The following MPPE1 variants were observed in gnomAD, a reference collection of about 807,000 sequenced individuals.
MPPE1 encodes metallophosphoesterase 1, also known as metallo phosphoesterase.
MPPE1 carries 28 observed loss-of-function variants against 43.8 expected under a neutral mutation model. That is an observed-to-expected ratio of 0.64 (90% confidence interval 0.47 to 0.88). The LOEUF is 0.88. Among genes scored for constraint, MPPE1 ranks in the 40% least tolerant of loss-of-function variants. The pLI, the probability that MPPE1 is intolerant of heterozygous loss-of-function variation, is 0.00. For synonymous variants in MPPE1, 159 were observed against 188.5 expected (o/e 0.84, Z 1.28); for missense variants, 428 against 492.2 (o/e 0.87, Z 1.23).
At chr18:11,904,178 G>GTT (rs1482196856) in intron 2 of MPPE1, among the ~76,000 whole-genome samples, 4 of 104,782 alleles carry the variant, frequency 3.8e-5, no homozygotes, top group Non-Finnish European at 8.5e-5. Context: ...AAGGAGAGAA[G>GTT]AGCAGAAGGG....
chr18:11,887,202 T>C lies in MPPE1; in HGVS notation c.570-177A>G, dbSNP rs1391619284. Among the ~76,000 whole-genome samples the C allele has an allele frequency of 2.0e-5, 3 of 152,300 alleles. No individual in the cohort carries two copies. In the South Asian group the frequency reaches 6.2e-4, roughly 32 times the overall value. ...AAATATGAGTCAATATTAACAAAAA[T>C]AGCATTACTGGGAGTTCTGTCTAAG... On this transcript the variant is annotated intron_variant, in intron 6 of 10. Coordinates refer to ENST00000588072, the MANE Select transcript of MPPE1 (RefSeq NM_023075.6).
intron 3 of MPPE1, among the ~76,000 whole-genome samples, chr18:11,896,672 A>G (rs939884993): frequency 1.1e-4 from 17 of 152,306 alleles, no homozygotes; most frequent in African/African-American, 4.1e-4. Context: ...TCTTGTTGTC[A>G]TTGCGTGGCA....
At chr18:11,899,389 G>A (rs1304130906) in intron 2 of MPPE1, among the ~76,000 whole-genome samples, 1 of 152,228 alleles carries the variant, frequency 6.6e-6, no homozygotes, top group Non-Finnish European at 1.5e-5. Flanking sequence ...CCCTGCAAAT[G>A]TGCCTTAAAA....
rs758271340 is a variant in MPPE1 at position 11,897,257 on chromosome 18, A to G, written c.8T>C (p.Met3Thr). Residue 3 changes from methionine to threonine, a missense_variant, in exon 3 of 11, where the codon ATG becomes ACG. Around this residue, in one of 3 missense-constraint regions of MPPE1, gnomAD observed 48 missense variants for 73.5 expected, o/e 0.65. Coordinates refer to ENST00000588072, the MANE Select transcript of MPPE1 (RefSeq NM_023075.6). ...CTGTCTTCCAAACCCCAATTCGATCATCGCCATTTCTCAAGCAACAACAAA... is the reference window on the plus strand; with the variant it reads ...CTGTCTTCCAAACCCCAATTCGATCGTCGCCATTTCTCAAGCAACAACAAA... MA[M>T]IELGFGRQNF... is the part of the protein sequence containing the mutation. The G allele has an allele frequency of 4.3e-5, 49 of 1,152,764 alleles. No homozygotes were observed. In the Admixed American group the frequency reaches 1.1e-3, roughly 26 times the overall value. The allele number at this position is 1,152,764 out of a possible 1,614,324, so 71.4% of individuals were successfully genotyped here.
chr18:11,888,150 C>T (rs191050998), intron 6 of MPPE1, among the ~76,000 whole-genome samples: 28 of 152,290 alleles, frequency 1.8e-4, no homozygotes, highest in Non-Finnish European at 3.7e-4. Context: ...CCTCGCAGAG[C>T]GGGAGCTGCT....
chr18:11,887,133 C>T, intron 6 of MPPE1, 108 bp from the exon 7 acceptor site: 1 of 727,814 alleles, frequency 1.4e-6, no homozygotes, highest in Non-Finnish European at 2.2e-6. Flanking sequence ...GAAACAAGCC[C>T]AGAGCAGCTT....
At chr18:11,884,963 GT>G in intron 10 of MPPE1, 1 of 1,304,864 alleles carries the variant, frequency 7.7e-7, no homozygotes, top group Middle Eastern at 2.1e-4. Context: ...GCACCGTGGA[GT>G]TCCAGGGTCA....
intron 2 of MPPE1, 179 bp from the exon 3 acceptor site, chr18:11,897,535 T>C: frequency 2.6e-6 from 1 of 387,500 alleles, no homozygotes; most frequent in Admixed American, 4.2e-5. Context: ...CCTCTCTGAC[T>C]CCTTCAAGCT....
In MPPE1 at chr18:11,884,412, T is replaced by G; in HGVS notation, c.*33A>C. 1 of 1,603,216 alleles carries G rather than the reference T, an allele frequency of 6.2e-7. No homozygotes were observed. Among genetic ancestry groups the G allele is most frequent in the South Asian group, 1.1e-5 (1 of 90,634 alleles). On this transcript the variant is annotated 3_prime_UTR_variant, in exon 11 of 11. Transcript: ENST00000588072. ...TGATCTCTGCCCAAAGTTCCATTTCTTGGGCTTTGATATTTATAATGGCGC... is the reference window on the plus strand; with the variant it reads ...TGATCTCTGCCCAAAGTTCCATTTCGTGGGCTTTGATATTTATAATGGCGC...
At chr18:11,889,205 G>A (rs531404520) in intron 5 of MPPE1, among the ~76,000 whole-genome samples, 182 bp downstream of exon 5, 62 of 152,256 alleles carry the variant, frequency 4.1e-4, no homozygotes, top group African/African-American at 1.4e-3. Context: ...ACAGATATTT[G>A]TTGAGGGTGT....
In MPPE1 at chr18:11,888,667, A is replaced by C. The variant is rs1479861930; in HGVS notation, c.569+2T>G. On this transcript the variant is annotated splice_donor_variant, in intron 6 of 10. Transcript: ENST00000588072. LOFTEE classifies it high-confidence loss of function. ...TTGGAAGAATTTACAAATAATACTC[A>C]CTTAATGCCTTTCCAAGAAAACAGT... is the stretch of plus-strand genomic sequence containing the variant. The C allele has an allele frequency of 1.3e-6, 2 of 1,579,854 alleles. No homozygotes were observed. Among genetic ancestry groups the C allele is most frequent in the African/African-American group, 2.7e-5 (2 of 73,444 alleles).
chr18:11,896,695 T>A (rs1360855915), intron 3 of MPPE1, among the ~76,000 whole-genome samples: 1 of 152,218 alleles, frequency 6.6e-6, no homozygotes, highest in Non-Finnish European at 1.5e-5. Flanking sequence ...TCTTGTGATG[T>A]TTCTTGTCTT....
At chr18:11,888,259 C>T (rs1477912997) in intron 6 of MPPE1, among the ~76,000 whole-genome samples, 1 of 152,180 alleles carries the variant, frequency 6.6e-6, no homozygotes, top group African/African-American at 2.4e-5. Context: ...CACTTGCCAC[C>T]AAATCCCATA....
At chr18:11,894,626 T>C (rs1215008875) in intron 3 of MPPE1, among the ~76,000 whole-genome samples, 2 of 152,160 alleles carry the variant, frequency 1.3e-5, no homozygotes, top group Admixed American at 6.6e-5. Flanking sequence ...GTTTCGCTCT[T>C]GTTGCCCAGG....
At chr18:11,906,664 T>C (rs1213657188) in intron 1 of MPPE1, among the ~76,000 whole-genome samples, 3 of 152,016 alleles carry the variant, frequency 2.0e-5, no homozygotes, top group Non-Finnish European at 2.9e-5. Context: ...AAGACCAGCC[T>C]GACCAACATG....
intron 3 of MPPE1, 58 bp downstream of exon 3, chr18:11,896,926 G>C (rs1474720282): frequency 1.4e-6 from 2 of 1,473,870 alleles, no homozygotes; most frequent in Non-Finnish European, 1.9e-6. Flanking sequence ...CCTATGAGGA[G>C]AGGGCTATAC....
rs768062583 is a variant in MPPE1, at chr18:11,885,671, G to A, written c.1008+5C>T. 1.8e-5 allele frequency: 29 copies of A among 1,609,506 alleles called. No individual in the cohort carries two copies. The highest frequency in any genetic ancestry group is 1.6e-4 in the African/African-American group (12 of 74,808). On this transcript the variant is annotated splice_donor_5th_base_variant and intron_variant, in intron 10 of 10. Coordinates refer to ENST00000588072, the MANE Select transcript of MPPE1 (RefSeq NM_023075.6). ...CTTTCAGACAAAAATAAACTTTCAC[G>A]TTACCATGATGAAACTGGGGTTGTT...
In MPPE1 at chr18:11,897,232, C is replaced by G; in HGVS notation, c.33G>C (p.Gln11His). The G allele has an allele frequency of 8.4e-7, 1 of 1,190,922 alleles. No homozygotes were observed. Among genetic ancestry groups the G allele is most frequent in the East Asian group, 2.4e-5 (1 of 42,550 alleles). The allele number at this position is 1,190,922 out of a possible 1,614,324, so 73.8% of individuals were successfully genotyped here. A position where few individuals can be genotyped will look rare whatever the true frequency, so the allele number is the denominator to read the frequency against. The change falls in exon 3 of 11, where the codon CAG (glutamine) becomes CAC (histidine). Residue 11 changes from glutamine to histidine, a missense_variant. Gln to His is a conservative substitution (Grantham distance 24). Around this residue, in one of 3 missense-constraint regions of MPPE1, gnomAD observed 48 missense variants for 73.5 expected, o/e 0.65. Transcript: ENST00000588072. The part of the protein sequence containing the change: MAMIELGFGR[Q>H]NFHPLKRKSS... ...TCTTCCTCTTTAATGGATGAAAATT[C>G]TGTCTTCCAAACCCCAATTCGATCA...
At chr18:11,888,164 G>A (rs2037552049) in intron 6 of MPPE1, among the ~76,000 whole-genome samples, 2 of 152,222 alleles carry the variant, frequency 1.3e-5, no homozygotes, top group Admixed American at 1.3e-4. Context: ...AGCTGCTCAT[G>A]GTCAGGCTAA....
Sources: allele counts gnomAD v4.1 joint callset (sites outside exome capture counted in the v4.1 genomes callset), GRCh38; gene constraint gnomAD v4.1.1; regional missense constraint gnomAD v4.1.1; transcripts MANE v1.5; gene names NCBI Gene and HGNC (gene_info 2026-07-23, HGNC 2026-07-21).